Variants in NEGR1 observed in about 807,000 individuals in gnomAD.
NEGR1 encodes neuronal growth regulator 1.
NEGR1 carries 10 observed loss-of-function variants against 40.9 expected under a neutral mutation model. The ratio of observed to expected loss-of-function variants is 0.24; its 90% confidence interval spans 0.15 to 0.42. NEGR1 has a LOEUF of 0.42. Among genes scored for constraint, NEGR1 ranks in the 10% least tolerant of loss-of-function variants. The pLI is 1.00. For synonymous variants in NEGR1, 185 were observed against 166.8 expected, an observed-to-expected ratio of 1.11 and a Z score of -0.84; for missense variants, 352 against 438.9, an observed-to-expected ratio of 0.80 and a Z score of 1.77.
At chr1:71,684,132 T>C (rs1011380544) in intron 4 of NEGR1, among the ~76,000 whole-genome samples, 1 of 151,596 alleles carries the variant, frequency 6.6e-6, no homozygotes, top group African/African-American at 2.4e-5. Context: ...TAGCCGGGCG[T>C]GGTGGTGGGC....
intron 5 of NEGR1, among the ~76,000 whole-genome samples, chr1:71,610,053 C>T (rs1178395191): frequency 1.3e-5 from 2 of 152,178 alleles, no homozygotes; most frequent in Non-Finnish European, 2.9e-5. Flanking sequence ...TTTCCTGTGA[C>T]CTCCCCAGCC....
At chr1:71,801,900 T>G (rs1657576546) in intron 2 of NEGR1, among the ~76,000 whole-genome samples, 1 of 152,184 alleles carries the variant, frequency 6.6e-6, no homozygotes, top group East Asian at 1.9e-4. Flanking sequence ...CTATTATTGT[T>G]TTAGAGAACA....
intron 4 of NEGR1, among the ~76,000 whole-genome samples, chr1:71,637,028 G>A (rs1411598499): frequency 6.6e-6 from 1 of 152,000 alleles, no homozygotes; most frequent in Non-Finnish European, 1.5e-5. Context: ...GGTATGAAGA[G>A]GACCAACAGA....
At chr1:71,926,936 T>A (rs1249475384) in intron 2 of NEGR1, among the ~76,000 whole-genome samples, 1 of 152,160 alleles carries the variant, frequency 6.6e-6, no homozygotes, top group Non-Finnish European at 1.5e-5. Context: ...TACTTTCTCT[T>A]TCTGCTACTT....
chr1:71,649,212 T>C (rs959231838), intron 4 of NEGR1, among the ~76,000 whole-genome samples: 4 of 152,128 alleles, frequency 2.6e-5, no homozygotes, highest in Non-Finnish European at 5.9e-5. Context: ...ACTAGTTGTA[T>C]GTGCAGAAAA....
chr1:72,037,755 C>G (rs185533266), intron 1 of NEGR1, among the ~76,000 whole-genome samples: 1 of 152,156 alleles, frequency 6.6e-6, no homozygotes, highest in Admixed American at 6.5e-5. Flanking sequence ...TTAGGTGTGA[C>G]AAATATTTCA....
intron 1 of NEGR1, among the ~76,000 whole-genome samples, chr1:72,069,417 T>G (rs114346916): frequency 6.6e-6 from 1 of 151,738 alleles, no homozygotes; most frequent in Admixed American, 6.6e-5. Flanking sequence ...GCACTCCAGC[T>G]TGGGTGACAC....
chr1:71,535,814 G>C (rs758491237), intron 6 of NEGR1, among the ~76,000 whole-genome samples: 3 of 151,670 alleles, frequency 2.0e-5, no homozygotes, highest in Non-Finnish European at 4.4e-5. Context: ...ATAAAATAGG[G>C]ATCAGATCTT....
intron 1 of NEGR1, among the ~76,000 whole-genome samples, chr1:72,216,869 AAAGTGCTATAAAAATATT>A (rs1420819142): frequency 2.6e-5 from 4 of 151,608 alleles, no homozygotes; most frequent in African/African-American, 9.7e-5. Context: ...AAACTGATTT[AAAGTGCTATAAAAATATT>A]AACCAGACTT....
chr1:71,852,998 C>T (rs933913090), intron 2 of NEGR1, among the ~76,000 whole-genome samples: 1 of 152,020 alleles, frequency 6.6e-6, no homozygotes, highest in Non-Finnish European at 1.5e-5. Context: ...CGAATTTGGA[C>T]ATTTAAAGTT....
At chr1:71,613,582 G>A (rs956415919) in intron 4 of NEGR1, among the ~76,000 whole-genome samples, 4 of 151,826 alleles carry the variant, frequency 2.6e-5, no homozygotes, top group East Asian at 1.9e-4. Context: ...GCTTGAACCC[G>A]GGAGGCAGAG....
intron 1 of NEGR1, among the ~76,000 whole-genome samples, chr1:72,183,364 C>A (rs1171787139): frequency 6.6e-6 from 1 of 152,056 alleles, no homozygotes; most frequent in Admixed American, 6.6e-5. Flanking sequence ...CAAGAACTTC[C>A]TATCAGCCAG....
rs1289375993 is a variant in NEGR1, at chr1:71,646,975, T to C, written c.668-35829A>G. 1.4e-4 allele frequency among the ~76,000 whole-genome samples: 22 copies of C among 152,050 alleles called. 2 individuals carry two copies. In the East Asian group the frequency reaches 3.5e-3, roughly 24 times the overall value. ...CTAAGACAATAGTGAACTATGGATATGGTATCTCACCTTAGGTAAAAATAA... is the reference window on the plus strand; with the variant it reads ...CTAAGACAATAGTGAACTATGGATACGGTATCTCACCTTAGGTAAAAATAA... On this transcript the variant is annotated intron_variant, in intron 4 of 6. Coordinates refer to ENST00000357731, the MANE Select transcript of NEGR1 (RefSeq NM_173808.3).
At chr1:72,161,492 C>T (rs1651557815) in intron 1 of NEGR1, among the ~76,000 whole-genome samples, 1 of 151,846 alleles carries the variant, frequency 6.6e-6, no homozygotes, top group Non-Finnish European at 1.5e-5. Flanking sequence ...TGAGTGGAGA[C>T]CAGAGATGCT....
chr1:71,741,724 C>T (rs992345815), intron 3 of NEGR1, among the ~76,000 whole-genome samples: 3 of 152,176 alleles, frequency 2.0e-5, no homozygotes, highest in African/African-American at 7.2e-5. Flanking sequence ...ATTGGCTTAT[C>T]GTTCTGCAGG....
intron 1 of NEGR1, among the ~76,000 whole-genome samples, chr1:72,062,562 A>G (rs1647195730): frequency 6.6e-6 from 1 of 152,004 alleles, no homozygotes; most frequent in Non-Finnish European, 1.5e-5. Flanking sequence ...TAAAGTGGTT[A>G]AAAAGAACTT....
At chr1:72,221,642 A>G (rs1654014053) in intron 1 of NEGR1, among the ~76,000 whole-genome samples, 1 of 152,176 alleles carries the variant, frequency 6.6e-6, no homozygotes, top group South Asian at 2.1e-4. Flanking sequence ...GACATACAAT[A>G]CCACCCCAGA....
intron 2 of NEGR1, among the ~76,000 whole-genome samples, chr1:71,783,323 A>G (rs955696956): frequency 1.3e-5 from 2 of 152,186 alleles, no homozygotes; most frequent in Admixed American, 1.3e-4. Flanking sequence ...TCTACGTTAC[A>G]TAACAAACCT....
intron 6 of NEGR1, among the ~76,000 whole-genome samples, chr1:71,574,160 T>G (rs558178371): frequency 1.3e-5 from 2 of 152,328 alleles, no homozygotes; most frequent in African/African-American, 4.8e-5. Context: ...AAACTCAATA[T>G]TGTTCTCTTG....
Sources: gnomAD v4.1 joint callset for allele counts (sites outside exome capture counted in the v4.1 genomes callset) on GRCh38, gnomAD v4.1.1 for gene constraint, MANE v1.5 for transcripts, NCBI Gene and HGNC (gene_info 2026-07-23, HGNC 2026-07-21) for gene names.